Variants in MED28 observed in about 807,000 individuals in gnomAD.
MED28 encodes the protein mediator of RNA polymerase II transcription subunit 28.
In MED28, 26 loss-of-function variants were observed where a neutral mutation model predicts 21.3. That is an observed-to-expected ratio of 1.22 (90% CI 0.89 to 1.69). MED28 has a LOEUF of 1.69. Among genes scored for constraint, MED28 ranks in the 40% most tolerant of loss-of-function variants. MED28 has a pLI of 0.00. For synonymous variants in MED28, 110 were observed against 87.6 expected (o/e 1.26, Z -1.43); for missense variants, 257 against 215.4 (o/e 1.19, Z -1.21).
In MED28 at chr4:17,633,176, T is replaced by G. The variant is rs1266870719; in HGVS notation, c.*9378T>G. 6.5e-6 allele frequency: 1 copy of G among 153,056 alleles called. No individual in the cohort carries two copies. The highest frequency in any genetic ancestry group is 2.4e-5 in the African/African-American group (1 of 41,404). 9.5% of individuals were successfully genotyped at this position (153,056 alleles called of 1,614,324 possible). ...ACCTTAGGTGATCCACCCACCTCCA[T>G]CTCCCAAAGTGCTGGGATTACAGGC... On this transcript the variant is annotated 3_prime_UTR_variant, in exon 4 of 4. Transcript: ENST00000237380.
In MED28 at chr4:17,628,879, GGGA is replaced by G. The variant is rs1714845253; in HGVS notation, c.*5086_*5088del. ...GGAAAATATCCCTGTGGAGGGGAAT[GGGA>G]GGAGTCAAACTGTGGAAGATAAGAG... On this transcript the variant is annotated 3_prime_UTR_variant, in exon 4 of 4. Coordinates refer to ENST00000237380, the MANE Select transcript of MED28 (RefSeq NM_025205.5). 2 of 152,424 alleles carry G rather than the reference GGGA, an allele frequency of 1.3e-5. No homozygotes were observed. The highest frequency in any genetic ancestry group is 2.9e-5 in the Non-Finnish European group (2 of 68,238). The allele number at this position is 152,424 out of a possible 1,614,324, so 9.4% of individuals were successfully genotyped here. A position where few individuals can be genotyped will look rare whatever the true frequency, so the allele number is the denominator to read the frequency against.
chr4:17,633,704 G>C lies in MED28; in HGVS notation c.*9906G>C, dbSNP rs752100556. The C allele has an allele frequency of 1.2e-5, 19 of 1,534,028 alleles. 1 individual carries two copies. In the South Asian group the frequency reaches 2.0e-4, roughly 16 times the overall value. On this transcript the variant is annotated 3_prime_UTR_variant, in exon 4 of 4. Transcript: ENST00000237380. ...TCCCCCAAACCTTGTGGCAGTTTTTGCATCTGTAGACTGGTTGGGTTTGTA... is the reference window on the plus strand; with the variant it reads ...TCCCCCAAACCTTGTGGCAGTTTTTCCATCTGTAGACTGGTTGGGTTTGTA...
intron 3 of MED28, 101 bp downstream of exon 3, chr4:17,621,800 A>T: frequency 2.4e-6 from 2 of 816,386 alleles, no homozygotes; most frequent in Non-Finnish European, 4.0e-6. Flanking sequence ...TGCGAGTTTC[A>T]TTCAGGCTTT....
rs566778111 is a variant in MED28 at position 17,626,963 on chromosome 4, AT to A, written c.*3184del. On this transcript the variant is annotated 3_prime_UTR_variant, in exon 4 of 4. Coordinates refer to ENST00000237380, the MANE Select transcript of MED28 (RefSeq NM_025205.5). Reference sequence around the variant, plus strand: ...CCTCAGCCTCCCAAGTAGCTGGGCTATTTTTTTTTTTTTTTTTTTGAGATGG... The same window carrying A: ...CCTCAGCCTCCCAAGTAGCTGGGCTATTTTTTTTTTTTTTTTTTGAGATGG... 3,365 of 126,064 alleles carry A rather than the reference AT, an allele frequency of 0.027. 89 individuals are homozygous for A. Among genetic ancestry groups the A allele is most frequent in the East Asian group, 0.069 (286 of 4,128 alleles). The allele number at this position is 126,064 out of a possible 1,614,324, so 7.8% of individuals were successfully genotyped here. A position where few individuals can be genotyped will look rare whatever the true frequency, so the allele number is the denominator to read the frequency against.
intron 2 of MED28, among the ~76,000 whole-genome samples, chr4:17,620,866 A>G (rs1335999417): frequency 6.6e-6 from 1 of 150,968 alleles, no homozygotes; most frequent in East Asian, 2.0e-4. Flanking sequence ...ACATTTGGCT[A>G]ATTTTTGTTT....
chr4:17,622,281 G>A (rs1367991362), intron 3 of MED28, among the ~76,000 whole-genome samples: 6 of 152,166 alleles, frequency 3.9e-5, no homozygotes, highest in South Asian at 2.1e-4. Flanking sequence ...CCAAAAAGCC[G>A]GCAATGCCCT....
At position 17,617,379 on chromosome 4, in the gene MED28, C is replaced by G. The variant is rs114098299; in HGVS notation, c.160-2522C>G. On this transcript the variant is annotated intron_variant, in intron 1 of 3. Coordinates refer to ENST00000237380, the MANE Select transcript of MED28 (RefSeq NM_025205.5). ...TCCTTGAGGTCTCTGTCTGCTCATT[C>G]TAGCTGCTTAGCACATGCTCTTTGA... is the stretch of plus-strand genomic sequence containing the variant. Among the ~76,000 whole-genome samples the G allele has an allele frequency of 5.2e-3, 787 of 152,344 alleles. 10 individuals are homozygous for G. The highest frequency in any genetic ancestry group is 0.018 in the African/African-American group (738 of 41,568).
At chr4:17,618,346 C>A (rs1356754034) in intron 1 of MED28, among the ~76,000 whole-genome samples, 1 of 152,024 alleles carries the variant, frequency 6.6e-6, no homozygotes. Flanking sequence ...CAGTAAAATT[C>A]TTGAGATGAG....
chr4:17,623,850 C>T lies in MED28; in HGVS notation c.*52C>T. 6.4e-7 allele frequency: 1 copy of T among 1,551,418 alleles called. No individual in the cohort carries two copies. The highest frequency in any genetic ancestry group is 8.8e-7 in the Non-Finnish European group (1 of 1,137,576). ...GAGTGGGCTGATGCGTGAGGTTGGC[C>T]ACACATTCCTTCCTGTGGACTTGAC... On this transcript the variant is annotated 3_prime_UTR_variant, in exon 4 of 4. Transcript: ENST00000237380.
chr4:17,620,362 T>TC (rs952148453), intron 2 of MED28, among the ~76,000 whole-genome samples: 3 of 151,738 alleles, frequency 2.0e-5, no homozygotes, highest in African/African-American at 7.3e-5. Flanking sequence ...ATGTTTTTTT[T>TC]TTTTTTTGAT....
intron 1 of MED28, among the ~76,000 whole-genome samples, chr4:17,619,032 CAG>C (rs1483962386): frequency 6.6e-6 from 1 of 152,236 alleles, no homozygotes; most frequent in Non-Finnish European, 1.5e-5. Context: ...TGATTGCTGA[CAG>C]AGCTCCACTT....
intron 1 of MED28, among the ~76,000 whole-genome samples, chr4:17,616,082 TC>T (rs1714442032): frequency 6.6e-6 from 1 of 152,036 alleles, no homozygotes; most frequent in Non-Finnish European, 1.5e-5. Context: ...TGCCTCAGCC[TC>T]CCGAGTTGCT....
chr4:17,616,311 G>A (rs931460251), intron 1 of MED28, among the ~76,000 whole-genome samples: 2 of 152,202 alleles, frequency 1.3e-5, no homozygotes, highest in African/African-American at 4.8e-5. Context: ...AGACACCTTT[G>A]AGGTGGTGCT....
In MED28 at chr4:17,614,814, G is replaced by A; in HGVS notation, c.159+1G>A. The A allele has an allele frequency of 6.2e-7, 1 of 1,601,882 alleles. No homozygotes were observed. The highest frequency in any genetic ancestry group is 8.5e-7 in the Non-Finnish European group (1 of 1,174,998). ...GGACGAGTTGGAGTCATCTTTCGAG[G>A]TAATATAAGACATGGGCGTCTTTGT... On this transcript the variant is annotated splice_donor_variant, in intron 1 of 3. Coordinates refer to ENST00000237380, the MANE Select transcript of MED28 (RefSeq NM_025205.5). LOFTEE classifies it high-confidence loss of function.
Position 17,627,938 on chromosome 4 carries a change from C to G in MED28, c.*4140C>G, listed in dbSNP as rs1016931815. 1 of 152,232 alleles carries G rather than the reference C, an allele frequency of 6.6e-6. No individual in the cohort carries two copies. The highest frequency in any genetic ancestry group is 2.1e-4 in the South Asian group (1 of 4,824). 9.4% of individuals were successfully genotyped at this position (152,232 alleles called of 1,614,324 possible). A position where few individuals can be genotyped will look rare whatever the true frequency, so the allele number is the denominator to read the frequency against. On this transcript the variant is annotated 3_prime_UTR_variant, in exon 4 of 4. Coordinates refer to ENST00000237380, the MANE Select transcript of MED28 (RefSeq NM_025205.5). ...CCTCTTTTGCCCCGGTGTTCCTTGG[C>G]CCACCTGTCAGACCTACATCATAGG...
chr4:17,631,454 G>A lies in MED28; in HGVS notation c.*7656G>A, dbSNP rs60557224. ...TGTTGGGATTACAGGCATGAGCCAT[G>A]TGCCCAGTCTAGAAGATCTTTGACT... is the stretch of plus-strand genomic sequence containing the variant. On this transcript the variant is annotated 3_prime_UTR_variant, in exon 4 of 4. Transcript: ENST00000237380. 0.015 allele frequency: 2,291 copies of A among 152,306 alleles called. 22 individuals carry two copies. Among genetic ancestry groups the A allele is most frequent in the Middle Eastern group, 0.024 (7 of 294 alleles). 9.4% of individuals were successfully genotyped at this position (152,306 alleles called of 1,614,324 possible).
rs899996016 is a variant in MED28 at position 17,624,064 on chromosome 4, G to T, written c.*266G>T. On this transcript the variant is annotated 3_prime_UTR_variant, in exon 4 of 4. Transcript: ENST00000237380. ...TTTAGACTGTGAATATGATGACACA[G>T]ATTCTTTTTTATGGTGGCTTTGCTT... 2 of 428,596 alleles carry T rather than the reference G, an allele frequency of 4.7e-6. No homozygotes were observed. Among genetic ancestry groups the T allele is most frequent in the Non-Finnish European group, 8.4e-6 (2 of 237,924 alleles). 26.5% of individuals were successfully genotyped at this position (428,596 alleles called of 1,614,324 possible). A position where few individuals can be genotyped will look rare whatever the true frequency, so the allele number is the denominator to read the frequency against.
intron 1 of MED28, 65 bp from the exon 2 acceptor site, chr4:17,619,835 TC>T (rs1714565216): frequency 1.4e-6 from 2 of 1,442,060 alleles, no homozygotes; most frequent in Admixed American, 1.7e-5. Flanking sequence ...AGTTATTTCT[TC>T]CTCTGGAGTA....
chr4:17,626,233 G>A lies in MED28; in HGVS notation c.*2435G>A, dbSNP rs56974987. 81,944 of 152,282 alleles carry A rather than the reference G, an allele frequency of 0.54. 24,217 individuals are homozygous for A. The highest frequency in any genetic ancestry group is 0.88 in the East Asian group (4,540 of 5,160). The allele number at this position is 152,282 out of a possible 1,614,324, so 9.4% of individuals were successfully genotyped here. A position where few individuals can be genotyped will look rare whatever the true frequency, so the allele number is the denominator to read the frequency against. ...TCCTGGGCTACAAGAGTGAAACTCCGTCTCAAAAAAGAAAAAGGAGATGTT... is the reference window on the plus strand; with the variant it reads ...TCCTGGGCTACAAGAGTGAAACTCCATCTCAAAAAAGAAAAAGGAGATGTT... On this transcript the variant is annotated 3_prime_UTR_variant, in exon 4 of 4. Coordinates refer to ENST00000237380, the MANE Select transcript of MED28 (RefSeq NM_025205.5).
Sources: allele counts gnomAD v4.1 joint callset (sites outside exome capture counted in the v4.1 genomes callset), GRCh38; gene constraint gnomAD v4.1.1; transcripts MANE v1.5; gene names NCBI Gene and HGNC (gene_info 2026-07-23, HGNC 2026-07-21).